Variants in MPP7 observed in about 807,000 individuals in gnomAD.
MPP7 encodes MAGUK p55 scaffold protein 7, also known as MAGUK p55 subfamily member 7.
MPP7 carries 60 observed loss-of-function variants against 76.5 expected under a neutral mutation model. The observed-to-expected ratio is 0.78, with a 90% CI of 0.64 to 0.97. MPP7 has a LOEUF of 0.97. MPP7 is among the 50% of genes least tolerant of loss of function. The pLI, the probability that MPP7 is intolerant of heterozygous loss-of-function variation, is 0.00. For missense variants in MPP7, 641 were observed against 694.0 expected (o/e 0.92, Z 0.86); for synonymous variants, 237 against 244.5 (o/e 0.97, Z 0.29).
Position 28,252,605 on chromosome 10 carries a change from T to C in MPP7, c.-131-13870A>G, listed in dbSNP as rs571760684. On this transcript the variant is annotated intron_variant, in intron 1 of 16. Coordinates refer to ENST00000683449, the MANE Select transcript of MPP7 (RefSeq NM_001318170.2). ...CCGTTTTCTAGATACTCTCACTGTT[T>C]TCTTCAATATGTGAAAAGGCAAGAA... is the stretch of plus-strand genomic sequence containing the variant. 5.9e-5 allele frequency among the ~76,000 whole-genome samples: 9 copies of C among 152,338 alleles called. No homozygotes were observed. The South Asian group carries it at 1.9e-3, about 32-fold the overall frequency.
chr10:28,166,220 C>T (rs901306339), intron 3 of MPP7, among the ~76,000 whole-genome samples: 3 of 151,714 alleles, frequency 2.0e-5, no homozygotes, highest in African/African-American at 7.3e-5. Context: ...CATAAAAGAG[C>T]ATGTAAGCAT....
intron 1 of MPP7, among the ~76,000 whole-genome samples, chr10:28,239,397 T>C (rs1464665330): frequency 2.6e-5 from 4 of 152,034 alleles, no homozygotes; most frequent in Non-Finnish European, 5.9e-5. Context: ...TATGCCCGCC[T>C]TGGCCTCTCA....
At chr10:28,224,141 T>C (rs958666899) in intron 2 of MPP7, among the ~76,000 whole-genome samples, 2 of 151,868 alleles carry the variant, frequency 1.3e-5, no homozygotes, top group Admixed American at 6.6e-5. Context: ...GCCGAGATCA[T>C]GCCACTGCAC....
intron 1 of MPP7, among the ~76,000 whole-genome samples, chr10:28,240,033 A>AC (rs1190960369): frequency 6.6e-6 from 1 of 152,180 alleles, no homozygotes; most frequent in Non-Finnish European, 1.5e-5. Context: ...CATTGGCCTA[A>AC]CACCTAGAGG....
chr10:28,228,997 G>A (rs1445138158), intron 2 of MPP7, among the ~76,000 whole-genome samples: 5 of 152,150 alleles, frequency 3.3e-5, no homozygotes, highest in Non-Finnish European at 7.3e-5. Flanking sequence ...TAGAAGAAAT[G>A]TCTTAGGCAT....
chr10:28,119,873 A>G (rs978973795), intron 10 of MPP7, among the ~76,000 whole-genome samples, 158 bp from the exon 11 acceptor site: 2 of 152,172 alleles, frequency 1.3e-5, no homozygotes, highest in Non-Finnish European at 2.9e-5. Flanking sequence ...GCCCACTTTC[A>G]AATTTTTGTA....
At chr10:28,129,329 T>C (rs12573372) in intron 6 of MPP7, among the ~76,000 whole-genome samples, 18,541 of 152,226 alleles carry the variant, frequency 0.12, 1,537 homozygotes, top group East Asian at 0.32. Flanking sequence ...TTTGAATTTA[T>C]TCTATGTGAT....
intron 1 of MPP7, among the ~76,000 whole-genome samples, chr10:28,262,128 C>T (rs540248604): frequency 9.2e-5 from 13 of 141,352 alleles, no homozygotes; most frequent in East Asian, 8.1e-4. Flanking sequence ...CCAGCCTGGG[C>T]GACAGAGCAA....
Position 28,053,912 on chromosome 10 carries a change from G to A in MPP7, c.*153C>T. 1.5e-6 allele frequency: 1 copy of A among 649,248 alleles called. No homozygotes were observed. Among genetic ancestry groups the A allele is most frequent in the Non-Finnish European group, 2.7e-6 (1 of 371,636 alleles). The allele number at this position is 649,248 out of a possible 1,614,324, so 40.2% of individuals were successfully genotyped here. On this transcript the variant is annotated 3_prime_UTR_variant, in exon 17 of 17. Coordinates refer to ENST00000683449, the MANE Select transcript of MPP7 (RefSeq NM_001318170.2). Reference sequence around the variant, plus strand: ...ACTAACACATGGCGTTTGAAATAAGGCTGTAAAAAGATACAAACAAAACCA... The same window carrying A: ...ACTAACACATGGCGTTTGAAATAAGACTGTAAAAAGATACAAACAAAACCA...
At chr10:28,120,076 T>C in intron 10 of MPP7, 118 bp downstream of exon 10, 1 of 1,104,196 alleles carries the variant, frequency 9.1e-7, no homozygotes, top group East Asian at 2.6e-5. Flanking sequence ...ACCCACAGGA[T>C]AAAAAATTCT....
At chr10:28,271,541 T>C (rs1840325974) in intron 1 of MPP7, among the ~76,000 whole-genome samples, 1 of 152,222 alleles carries the variant, frequency 6.6e-6, no homozygotes, top group East Asian at 1.9e-4. Flanking sequence ...ATTGCTTCTT[T>C]CAAGCAAGAT....
chr10:28,172,542 T>A (rs954341540), intron 3 of MPP7, among the ~76,000 whole-genome samples: 1 of 151,328 alleles, frequency 6.6e-6, no homozygotes, highest in Non-Finnish European at 1.5e-5. Flanking sequence ...TAAGAAATAT[T>A]TGACAATGAG....
intron 1 of MPP7, among the ~76,000 whole-genome samples, chr10:28,275,251 C>T (rs913860841): frequency 1.2e-4 from 18 of 152,124 alleles, no homozygotes; most frequent in Admixed American, 2.6e-4. Context: ...CACTACCTCC[C>T]CAAGACGTGC....
chr10:28,104,752 T>C (rs539256082), intron 11 of MPP7, among the ~76,000 whole-genome samples: 52 of 152,296 alleles, frequency 3.4e-4, no homozygotes, highest in Admixed American at 3.1e-3. Context: ...GTATTCTTTT[T>C]AAAAGTCTTT....
upstream of MPP7, among the ~76,000 whole-genome samples, chr10:28,335,155 C>T (rs1834505898): frequency 6.6e-6 from 1 of 152,202 alleles, no homozygotes; most frequent in Non-Finnish European, 1.5e-5. Flanking sequence ...GTTTGGGTGT[C>T]CCCTTGACAT....
chr10:28,120,235 G>C lies in MPP7; in HGVS notation c.846C>G (p.Asn282Lys), dbSNP rs1834789519. 1 of 1,613,854 alleles carries C rather than the reference G, an allele frequency of 6.2e-7. No homozygotes were observed. The change falls in exon 10 of 17, where the codon AAC becomes AAG. Residue 282 changes from asparagine to lysine, a missense_variant. Physicochemically the swap from Asn to Lys is moderately conservative, Grantham distance 94. Transcript: ENST00000683449. ...TTGAGGGGATCAAGCCTGCCCTGGG[G>C]TTGGCATCAGCTTCGTGTTTCGCTT... ...WWQAKHEADA[N>K]PRAGLIPSKH... is the part of the protein sequence containing the mutation.
intron 5 of MPP7, among the ~76,000 whole-genome samples, chr10:28,140,869 T>G (rs1006352449): frequency 1.3e-5 from 2 of 152,218 alleles, no homozygotes; most frequent in African/African-American, 4.8e-5. Context: ...ATTAAAGTTT[T>G]CTGTGTTATT....
chr10:28,087,925 C>A (rs973159524), intron 12 of MPP7, among the ~76,000 whole-genome samples: 19 of 152,286 alleles, frequency 1.2e-4, no homozygotes, highest in African/African-American at 3.4e-4. Flanking sequence ...TAAATAAATT[C>A]TTCCTCCTCC....
rs74922579 is a variant in MPP7 at position 28,325,281 on chromosome 10, G to A, written c.-132+4648C>T. ...CAATAACATTAGCTAGTATTTGAAA[G>A]TAGTATTGTAATAAGTAGTAGAAGC... On this transcript the variant is annotated intron_variant, in intron 2 of 11. Coordinates refer to the MPP7 transcript ENST00000441595. 9.1e-3 allele frequency among the ~76,000 whole-genome samples: 1,378 copies of A among 152,254 alleles called. 20 individuals are homozygous for A. Among genetic ancestry groups the A allele is most frequent in the East Asian group, 0.054 (281 of 5,156 alleles).
Sources: allele counts gnomAD v4.1 joint callset (sites outside exome capture counted in the v4.1 genomes callset), GRCh38; gene constraint gnomAD v4.1.1; transcripts MANE v1.5; gene names NCBI Gene and HGNC (gene_info 2026-07-23, HGNC 2026-07-21).